The following PDZRN3 variants were observed in gnomAD, a reference collection of about 807,000 sequenced individuals.
PDZRN3 encodes the protein E3 ubiquitin-protein ligase PDZRN3.
A neutral mutation model predicts 85.7 loss-of-function variants in PDZRN3; 38 were observed. The observed-to-expected ratio is 0.44, with a 90% CI of 0.34 to 0.58. The LOEUF is 0.58. Ranked by LOEUF, PDZRN3 falls within the 20% of genes least tolerant of loss-of-function variation. The pLI is 0.01. For missense variants in PDZRN3, 1,629 were observed against 1,506.4 expected (o/e 1.08, Z -1.35); for synonymous variants, 759 against 638.0 (o/e 1.19, Z -2.86).
chr3:73,425,230 C>G lies in PDZRN3; in HGVS notation c.919-20835G>C, dbSNP rs149938043. On this transcript the variant is annotated intron_variant, in intron 3 of 9. Coordinates refer to ENST00000263666, the MANE Select transcript of PDZRN3 (RefSeq NM_015009.3). ...GAGATGGGGTTTCACCATTTATCCA[C>G]GATGGTCTTGATCTCCTGACCTAGT... 2.6e-3 allele frequency among the ~76,000 whole-genome samples: 396 copies of G among 151,990 alleles called. 1 individual carries two copies. Among genetic ancestry groups the G allele is most frequent in the African/African-American group, 8.9e-3 (369 of 41,476 alleles).
rs572044527 is a variant in PDZRN3, at chr3:73,548,160, A to G, written c.918+54194T>C. Among the ~76,000 whole-genome samples, 9 of 152,264 alleles carry G rather than the reference A, an allele frequency of 5.9e-5. No individual in the cohort carries two copies. In the South Asian group the frequency reaches 1.7e-3, roughly 28 times the overall value. On this transcript the variant is annotated intron_variant, in intron 3 of 9. Coordinates refer to ENST00000263666, the MANE Select transcript of PDZRN3 (RefSeq NM_015009.3). ...ACCCCGCGCCCACACCCCTTCCTCT[A>G]TGGGGCTTTGATATCCACCAGCTAA...
intron 3 of PDZRN3, among the ~76,000 whole-genome samples, chr3:73,554,583 A>G (rs1000990444): frequency 3.9e-5 from 6 of 152,208 alleles, no homozygotes; most frequent in African/African-American, 1.4e-4. Flanking sequence ...ATAAATATCT[A>G]TACCATGGAC....
intron 2 of PDZRN3, among the ~76,000 whole-genome samples, chr3:73,606,805 T>C (rs1036571809): frequency 1.3e-5 from 2 of 152,250 alleles, no homozygotes; most frequent in African/African-American, 2.4e-5. Flanking sequence ...TTGTTTCTTA[T>C]AATAAGCCAT....
At chr3:73,462,053 T>G (rs1703115160) in intron 3 of PDZRN3, among the ~76,000 whole-genome samples, 1 of 152,242 alleles carries the variant, frequency 6.6e-6, no homozygotes, top group Non-Finnish European at 1.5e-5. Context: ...TGATACCATA[T>G]ATCATTTTTG....
intron 3 of PDZRN3, among the ~76,000 whole-genome samples, chr3:73,437,024 C>A (rs375341636): frequency 2.2e-5 from 3 of 135,178 alleles, no homozygotes; most frequent in Non-Finnish European, 4.6e-5. Context: ...TCCAGCCTGG[C>A]GACAGAGAAA....
chr3:73,439,192 T>C (rs1321416553), intron 3 of PDZRN3, among the ~76,000 whole-genome samples: 1 of 152,240 alleles, frequency 6.6e-6, no homozygotes, highest in African/African-American at 2.4e-5. Flanking sequence ...CCTCCTCTGA[T>C]GTTCCATAAA....
intron 3 of PDZRN3, among the ~76,000 whole-genome samples, chr3:73,452,839 C>CTATGTGTGTGTGTG (rs1553690746): frequency 8.7e-4 from 123 of 140,720 alleles, no homozygotes; most frequent in African/African-American, 3.2e-3. Flanking sequence ...GTCCATATAT[C>CTATGTGTGTGTGTG]TGTGTGTGTG....
At chr3:73,444,423 T>C (rs550459502) in intron 3 of PDZRN3, among the ~76,000 whole-genome samples, 2 of 152,330 alleles carry the variant, frequency 1.3e-5, no homozygotes, top group South Asian at 4.1e-4. Context: ...GAATGGTGAC[T>C]GTGGCCAGCC....
chr3:73,462,749 C>T (rs1234876558), intron 3 of PDZRN3, among the ~76,000 whole-genome samples: 1 of 152,120 alleles, frequency 6.6e-6, no homozygotes. Context: ...TTAACAACAG[C>T]CATCGTTTAA....
At chr3:73,390,660 A>T (rs199817205) in intron 6 of PDZRN3, among the ~76,000 whole-genome samples, 9 of 93,588 alleles carry the variant, frequency 9.6e-5, no homozygotes, top group Admixed American at 4.5e-4. Flanking sequence ...TGTGTGAGAG[A>T]GAGAGAGAGA....
intron 3 of PDZRN3, among the ~76,000 whole-genome samples, chr3:73,426,549 T>G (rs767316488): frequency 3.9e-5 from 6 of 152,224 alleles, no homozygotes; most frequent in Non-Finnish European, 7.3e-5. Flanking sequence ...AACAGATGGC[T>G]AAATTTTTGA....
intron 3 of PDZRN3, among the ~76,000 whole-genome samples, chr3:73,405,860 A>G (rs1200590520): frequency 6.6e-6 from 1 of 152,222 alleles, no homozygotes; most frequent in East Asian, 1.9e-4. Context: ...CAGGCAGAAC[A>G]TAAGTATTGG....
rs968765679 is a variant in PDZRN3, at chr3:73,444,876, C to T, written c.919-40481G>A. ...AAAAACAAGCCAGGCCAGAGCCACA[C>T]GTGAGGAAACGCAGAAAGAGCTCTC... On this transcript the variant is annotated intron_variant, in intron 3 of 9. Coordinates refer to ENST00000263666, the MANE Select transcript of PDZRN3 (RefSeq NM_015009.3). Among the ~76,000 whole-genome samples the T allele has an allele frequency of 3.5e-4, 53 of 152,142 alleles. 1 individual carries two copies. The highest frequency in any genetic ancestry group is 1.0e-3 in the African/African-American group (43 of 41,420).
intron 3 of PDZRN3, among the ~76,000 whole-genome samples, chr3:73,594,947 A>G (rs919799551): frequency 1.3e-5 from 2 of 152,168 alleles, no homozygotes; most frequent in African/African-American, 4.8e-5. Flanking sequence ...AAGTGAGTCT[A>G]TCCAGAGATA....
intron 3 of PDZRN3, among the ~76,000 whole-genome samples, chr3:73,514,922 G>A (rs1378778309): frequency 2.6e-5 from 4 of 152,112 alleles, no homozygotes; most frequent in African/African-American, 9.7e-5. Context: ...TTTTACAGAC[G>A]AGTAAACAAA....
At chr3:73,409,815 T>C (rs545568408) in intron 3 of PDZRN3, among the ~76,000 whole-genome samples, 32 of 152,324 alleles carry the variant, frequency 2.1e-4, no homozygotes, top group Admixed American at 2.0e-3. Flanking sequence ...CAGGATATTT[T>C]AGAATGTAGT....
intron 3 of PDZRN3, among the ~76,000 whole-genome samples, chr3:73,462,720 G>T (rs1468913195): frequency 2.6e-5 from 4 of 152,196 alleles, no homozygotes; most frequent in Middle Eastern, 3.4e-3. Flanking sequence ...GTGGAAGGGG[G>T]TTATCCTCAT....
At position 73,418,243 on chromosome 3, in the gene PDZRN3, C is replaced by T. The variant is rs182147881; in HGVS notation, c.919-13848G>A. On this transcript the variant is annotated intron_variant, in intron 3 of 9. Transcript: ENST00000263666. Reference sequence around the variant, plus strand: ...TGGTGGGTTAATACCTTATCTTAGCCGCACAGAACACCTGACTTATACATA... The same window carrying T: ...TGGTGGGTTAATACCTTATCTTAGCTGCACAGAACACCTGACTTATACATA... Among the ~76,000 whole-genome samples, 26 of 152,192 alleles carry T rather than the reference C, an allele frequency of 1.7e-4. 1 individual carries two copies. Among genetic ancestry groups the T allele is most frequent in the African/African-American group, 6.0e-4 (25 of 41,522 alleles).
intron 3 of PDZRN3, among the ~76,000 whole-genome samples, chr3:73,438,012 T>C (rs1182074369): frequency 1.3e-5 from 2 of 152,168 alleles, no homozygotes; most frequent in Non-Finnish European, 1.5e-5. Flanking sequence ...AAGGCACACA[T>C]TGTTTGATGA....
Sources: allele counts gnomAD v4.1 joint callset (sites outside exome capture counted in the v4.1 genomes callset), GRCh38; gene constraint gnomAD v4.1.1; transcripts MANE v1.5; gene names NCBI Gene and HGNC (gene_info 2026-07-23, HGNC 2026-07-21).